Variants in NF1 observed in about 807,000 individuals in gnomAD.
NF1 encodes the protein neurofibromin.
NF1 carries 122 observed loss-of-function variants against 325.7 expected under a neutral mutation model. The ratio of observed to expected loss-of-function variants is 0.37; its 90% CI spans 0.32 to 0.44. The LOEUF is 0.44. NF1 is among the 20% of genes least tolerant of loss of function. NF1 has a pLI of 1.00. For synonymous variants in NF1, 1,091 were observed against 1,186.0 expected, an observed-to-expected ratio of 0.92 and a Z score of 1.65; for missense variants, 2,140 against 3,415.4, an observed-to-expected ratio of 0.63 and a Z score of 9.31.
At chr17:31,362,537 C>T (rs1484861673) in intron 57 of NF1, among the ~76,000 whole-genome samples, 2 of 152,190 alleles carry the variant, frequency 1.3e-5, no homozygotes, top group Non-Finnish European at 2.9e-5. Context: ...ACTTTCCCTT[C>T]TCCTTCTTTA....
chr17:31,304,548 T>C lies in NF1; in HGVS notation c.4836-21272T>C, dbSNP rs17884472. The C allele has an allele frequency of 1.5e-5, 25 of 1,614,046 alleles. No homozygotes were observed. In the South Asian group the frequency reaches 1.6e-4, roughly 11 times the overall value. On this transcript the variant is annotated intron_variant, in intron 36 of 57. Coordinates refer to ENST00000358273, the MANE Select transcript of NF1 (RefSeq NM_001042492.3). Reference sequence around the variant, plus strand: ...CAATTGTCATTGTGGGTTTGTCAGATTGGTTACTTTCCTGTCCTTCCAAAT... The same window carrying C: ...CAATTGTCATTGTGGGTTTGTCAGACTGGTTACTTTCCTGTCCTTCCAAAT...
chr17:31,230,482 C>A (rs2151431999), intron 23 of NF1, 100 bp downstream of exon 23: 2 of 1,432,628 alleles, frequency 1.4e-6, no homozygotes, highest in Non-Finnish European at 2.0e-6. Flanking sequence ...GAAAGGAGGA[C>A]ATGAAAAGAG....
Position 31,356,654 on chromosome 17 carries a change from C to T in NF1, c.7738+72C>T, listed in dbSNP as rs994676085. On this transcript the variant is annotated intron_variant, in intron 52 of 57. Transcript: ENST00000358273. ...AGTACATGAAAGTCATGTTTATTTT[C>T]CAGCCATTTCTTAGAATCTTTAGAG... 2.5e-6 allele frequency: 4 copies of T among 1,587,710 alleles called. No homozygotes were observed. In the African/African-American group the frequency reaches 5.4e-5, roughly 21 times the overall value.
chr17:31,308,886 C>T (rs1246693466), intron 36 of NF1, among the ~76,000 whole-genome samples: 1 of 152,140 alleles, frequency 6.6e-6, no homozygotes, highest in Non-Finnish European at 1.5e-5. Flanking sequence ...ATTGTGTTTA[C>T]TTTTCACATT....
chr17:31,213,776 C>T (rs2066771579), intron 12 of NF1, among the ~76,000 whole-genome samples: 1 of 152,104 alleles, frequency 6.6e-6, no homozygotes, highest in Non-Finnish European at 1.5e-5. Flanking sequence ...AAATGTTCTT[C>T]AGGCAAAATG....
intron 4 of NF1, among the ~76,000 whole-genome samples, chr17:31,166,608 T>C (rs1370062760): frequency 6.6e-6 from 1 of 152,200 alleles, no homozygotes; most frequent in Non-Finnish European, 1.5e-5. Context: ...TAAACAGCTC[T>C]AGGTGACTTT....
intron 36 of NF1, among the ~76,000 whole-genome samples, chr17:31,269,965 G>A (rs971900362): frequency 6.6e-6 from 1 of 152,186 alleles, no homozygotes; most frequent in African/African-American, 2.4e-5. Flanking sequence ...AGGGCATGGG[G>A]GCAGGGTTTT....
intron 37 of NF1, 123 bp downstream of exon 37, chr17:31,326,375 C>T (rs1448515289): frequency 2.0e-5 from 19 of 951,074 alleles, no homozygotes; most frequent in Middle Eastern, 2.7e-4. Context: ...AAGGCTGTCG[C>T]GGTGGCTCAC....
intron 31 of NF1, chr17:31,254,333 A>C (rs1165803800): frequency 6.6e-6 from 1 of 151,762 alleles, no homozygotes; most frequent in Non-Finnish European, 1.5e-5. Context: ...TAAGCTGTAC[A>C]TATAAATTAT....
At chr17:31,271,000 G>C (rs978453056) in intron 36 of NF1, among the ~76,000 whole-genome samples, 14 of 152,142 alleles carry the variant, frequency 9.2e-5, no homozygotes, top group Admixed American at 7.2e-4. Flanking sequence ...TAAAGTTTGG[G>C]AATCTCACTG....
chr17:31,345,679 C>G lies in NF1; in HGVS notation c.7189+2544C>G, dbSNP rs991808853. 7 of 1,614,240 alleles carry G rather than the reference C, an allele frequency of 4.3e-6. No homozygotes were observed. In the African/African-American group the frequency reaches 6.7e-5, roughly 15 times the overall value. ...GCCAGCACCGAAGTTGGTGAGATGG[C>G]AAAGCAGTATATAGAGAAAAGTCTT... On this transcript the variant is annotated intron_variant, in intron 48 of 57. Coordinates refer to ENST00000358273, the MANE Select transcript of NF1 (RefSeq NM_001042492.3).
chr17:31,266,296 C>T (rs979244009), intron 36 of NF1, among the ~76,000 whole-genome samples: 2 of 152,124 alleles, frequency 1.3e-5, no homozygotes, highest in Admixed American at 6.6e-5. Context: ...AGTAGAGAGA[C>T]GGTGAAGGAA....
chr17:31,326,628 C>T (rs2151539728), intron 37 of NF1, among the ~76,000 whole-genome samples: 1 of 152,226 alleles, frequency 6.6e-6, no homozygotes, highest in East Asian at 1.9e-4. Flanking sequence ...GCCTGGGCAA[C>T]AGAGGGACGC....
At chr17:31,362,354 G>A in intron 57 of NF1, 1 of 985,316 alleles carries the variant, frequency 1.0e-6, no homozygotes, top group Non-Finnish European at 1.2e-6. Context: ...TGGAGCTAGG[G>A]AACCATACAG....
At position 31,213,678 on chromosome 17, in the gene NF1, CATTT is replaced by C. The variant is rs1348149988; in HGVS notation, c.1393-770_1393-767del. Among the ~76,000 whole-genome samples the C allele has an allele frequency of 8.5e-5, 13 of 152,242 alleles. 1 individual carries two copies. The South Asian group carries it at 2.5e-3, about 29-fold the overall frequency. ...AATTGTTGGATTTTTGGTTGAAAAA[CATTT>C]ATAATTATTTTAATTCATCATATGT... On this transcript the variant is annotated intron_variant, in intron 12 of 57. Transcript: ENST00000358273.
chr17:31,284,617 C>T (rs557559188), intron 36 of NF1, among the ~76,000 whole-genome samples: 6 of 151,756 alleles, frequency 4.0e-5, no homozygotes, highest in Non-Finnish European at 5.9e-5. Context: ...GACGGGGTTT[C>T]GCTATGTTGG....
At chr17:31,341,617 G>GTGTGTGTGTGTGTGTGTGTGTGTGTGTA (rs35130430) in intron 47 of NF1, among the ~76,000 whole-genome samples, 1 of 148,268 alleles carries the variant, frequency 6.7e-6, no homozygotes, top group Non-Finnish European at 1.5e-5. Flanking sequence ...GTGTGTGTGT[G>GTGTGTGTGTGTGTGTGTGTGTGTGTGTA]TGTACACACA....
At chr17:31,351,056 A>C (rs555329754) in intron 50 of NF1, among the ~76,000 whole-genome samples, 1 of 152,192 alleles carries the variant, frequency 6.6e-6, no homozygotes. Context: ...CATGGTATTC[A>C]ATAGTCTTAC....
At chr17:31,287,495 T>C (rs528242056) in intron 36 of NF1, among the ~76,000 whole-genome samples, 1 of 152,256 alleles carries the variant, frequency 6.6e-6, no homozygotes, top group South Asian at 2.1e-4. Flanking sequence ...CTGTTTTTAG[T>C]GAGTGCGTAT....
Sources: allele counts gnomAD v4.1 joint callset (sites outside exome capture counted in the v4.1 genomes callset), GRCh38; gene constraint gnomAD v4.1.1; transcripts MANE v1.5; gene names NCBI Gene and HGNC (gene_info 2026-07-23, HGNC 2026-07-21).